FGF7: variants seen among roughly 807,000 people sequenced by gnomAD.
FGF7 encodes the protein fibroblast growth factor 7, also known as FGF-7.
Under a neutral mutation model 20.5 loss-of-function variants are expected in FGF7, and 6 were observed. The observed-to-expected ratio is 0.29, with a 90% confidence interval of 0.16 to 0.58. The LOEUF is 0.58. Among genes scored for constraint, FGF7 ranks in the 20% least tolerant of loss-of-function variants. FGF7 has a pLI of 0.90. For missense variants in FGF7, 144 were observed against 228.8 expected (o/e 0.63, Z 2.39); for synonymous variants, 64 against 74.7 (o/e 0.86, Z 0.74).
chr15:49,478,868 C>T (rs1328982105), intron 2 of FGF7, among the ~76,000 whole-genome samples: 4 of 151,932 alleles, frequency 2.6e-5, no homozygotes, highest in Non-Finnish European at 5.9e-5. Context: ...TTTAAAATCA[C>T]AAAGCTATTG....
chr15:49,467,840 G>C (rs2054402259), intron 2 of FGF7, among the ~76,000 whole-genome samples: 1 of 152,112 alleles, frequency 6.6e-6, no homozygotes, highest in African/African-American at 2.4e-5. Flanking sequence ...GCATTCCTGA[G>C]AGGCCATAAA....
At chr15:49,480,000 A>G (rs1260486791) in intron 2 of FGF7, among the ~76,000 whole-genome samples, 1 of 152,200 alleles carries the variant, frequency 6.6e-6, no homozygotes, top group Non-Finnish European at 1.5e-5. Flanking sequence ...TGATAATGTT[A>G]ATTTCTTTAT....
intron 2 of FGF7, among the ~76,000 whole-genome samples, chr15:49,480,194 A>G (rs1233775477): frequency 1.3e-5 from 2 of 152,258 alleles, no homozygotes; most frequent in Admixed American, 1.3e-4. Flanking sequence ...AATTAAGAAT[A>G]TAAGTCTATT....
intron 2 of FGF7, among the ~76,000 whole-genome samples, chr15:49,457,844 G>A (rs190228157): frequency 1.5e-4 from 23 of 151,854 alleles, no homozygotes; most frequent in South Asian, 6.3e-4. Context: ...TTTGGAAAGC[G>A]TTCATAATGA....
Position 49,472,010 on chromosome 15 carries a change from C to A in FGF7, c.287-11141C>A, listed in dbSNP as rs1453936630. ...TTTTTCTTCTAGTTTTATCTCATGA[C>A]TTTAGAAGTGAAAAAAAAAAAAAAG... On this transcript the variant is annotated intron_variant, in intron 2 of 3. Coordinates refer to ENST00000267843, the MANE Select transcript of FGF7 (RefSeq NM_002009.4). 1.9e-4 allele frequency among the ~76,000 whole-genome samples: 12 copies of A among 64,160 alleles called. No individual in the cohort carries two copies. In the Admixed American group the frequency reaches 2.6e-3, roughly 14 times the overall value. The allele number at this position is 64,160 out of a possible 152,430, so 42.1% of individuals were successfully genotyped here. A position where few individuals can be genotyped will look rare whatever the true frequency, so the allele number is the denominator to read the frequency against.
At chr15:49,479,034 TAAAC>T (rs1036081009) in intron 2 of FGF7, among the ~76,000 whole-genome samples, 58 of 152,244 alleles carry the variant, frequency 3.8e-4, no homozygotes, top group African/African-American at 1.3e-3. Flanking sequence ...GTTTAAATAA[TAAAC>T]AGACAAAAAG....
chr15:49,467,764 G>C (rs1301071112), intron 2 of FGF7, among the ~76,000 whole-genome samples: 1 of 152,122 alleles, frequency 6.6e-6, no homozygotes, highest in Non-Finnish European at 1.5e-5. Context: ...TAAACAAAGA[G>C]TATTTCCTCC....
chr15:49,459,425 C>A (rs1263092326), intron 2 of FGF7, among the ~76,000 whole-genome samples: 1 of 152,080 alleles, frequency 6.6e-6, no homozygotes, highest in South Asian at 2.1e-4. Context: ...ATGTGTTGTA[C>A]ATTTTTGCAG....
At chr15:49,423,791 C>G (rs1175998411) in intron 1 of FGF7, among the ~76,000 whole-genome samples, 4 of 152,008 alleles carry the variant, frequency 2.6e-5, no homozygotes, top group Admixed American at 1.3e-4. Context: ...CACAAAATAG[C>G]AATTGGAATG....
At chr15:49,433,171 G>T (rs1024293050) in intron 2 of FGF7, among the ~76,000 whole-genome samples, 2 of 151,392 alleles carry the variant, frequency 1.3e-5, no homozygotes, top group Non-Finnish European at 3.0e-5. Context: ...AATTATTTGA[G>T]ATTTTCAATA....
intron 2 of FGF7, among the ~76,000 whole-genome samples, chr15:49,475,269 T>C (rs1261654223): frequency 6.6e-6 from 1 of 152,152 alleles, no homozygotes; most frequent in Non-Finnish European, 1.5e-5. Flanking sequence ...AGTTTATTCA[T>C]GAGTTTGAAG....
rs112825172 is a variant in FGF7 at position 49,424,044 on chromosome 15, A to C, written c.-254A>C. The stretch of plus-strand genomic sequence containing the variant: ...TCATTGCAAACAGAAGTCAAATAGC[A>C]AACAGCGTCACAGCAACTGAACTTA... On this transcript the variant is annotated 5_prime_UTR_variant, in exon 2 of 4. Coordinates refer to ENST00000267843, the MANE Select transcript of FGF7 (RefSeq NM_002009.4). 8,817 of 369,250 alleles carry C rather than the reference A, an allele frequency of 0.024. 277 individuals are homozygous for C. Among genetic ancestry groups the C allele is most frequent in the South Asian group, 0.15 (1,889 of 13,020 alleles). The allele number at this position is 369,250 out of a possible 1,614,324, so 22.9% of individuals were successfully genotyped here.
chr15:49,425,921 TG>T (rs1470319567), intron 2 of FGF7, among the ~76,000 whole-genome samples: 4 of 151,722 alleles, frequency 2.6e-5, no homozygotes, highest in Non-Finnish European at 4.4e-5. Context: ...AAAATTTTTT[TG>T]ATATCTACTT....
chr15:49,443,076 A>T (rs148871079), intron 2 of FGF7, among the ~76,000 whole-genome samples: 23 of 151,876 alleles, frequency 1.5e-4, no homozygotes, highest in African/African-American at 3.6e-4. Flanking sequence ...ATATGGGATT[A>T]GTTATAAGTA....
chr15:49,430,248 C>A (rs990394428), intron 2 of FGF7, among the ~76,000 whole-genome samples: 1 of 151,912 alleles, frequency 6.6e-6, no homozygotes, highest in African/African-American at 2.4e-5. Context: ...ACCACAGCCT[C>A]ACAATGACAG....
rs745520773 is a variant in FGF7, at chr15:49,477,060, G to GAA, written c.287-6077_287-6076dup. Among the ~76,000 whole-genome samples, 256 of 130,598 alleles carry GAA rather than the reference G, an allele frequency of 2.0e-3. 2 individuals carry two copies. Among genetic ancestry groups the GAA allele is most frequent in the African/African-American group, 5.6e-3 (201 of 35,594 alleles). 85.7% of individuals were successfully genotyped at this position (130,598 alleles called of 152,430 possible). On this transcript the variant is annotated intron_variant, in intron 2 of 3. Transcript: ENST00000267843. Reference sequence around the variant, plus strand: ...GGGCGACAAAGCGAGACTCTGTCTCGAAAAAAAAAAAAAAATTGAGCAGAT... The same window carrying GAA: ...GGGCGACAAAGCGAGACTCTGTCTCGAAAAAAAAAAAAAAAAATTGAGCAGAT...
intron 2 of FGF7, among the ~76,000 whole-genome samples, chr15:49,442,553 TC>T (rs1190916035): frequency 2.0e-5 from 3 of 151,734 alleles, no homozygotes; most frequent in African/African-American, 7.3e-5. Flanking sequence ...CTTTTCCAAT[TC>T]CCTTGTCACT....
intron 1 of FGF7, 90 bp downstream of exon 1, chr15:49,423,530 T>G (rs2151745361): frequency 6.6e-6 from 1 of 152,240 alleles, no homozygotes; most frequent in East Asian, 1.9e-4. Context: ...AGCAGGAAAG[T>G]AAAGTTACAA....
intron 2 of FGF7, among the ~76,000 whole-genome samples, chr15:49,462,397 T>C (rs1291580710): frequency 1.3e-5 from 2 of 152,176 alleles, no homozygotes; most frequent in African/African-American, 4.8e-5. Context: ...TCACAATGCT[T>C]TTTCCCCTTG....
Sources: allele counts gnomAD v4.1 joint callset (sites outside exome capture counted in the v4.1 genomes callset), GRCh38; gene constraint gnomAD v4.1.1; transcripts MANE v1.5; gene names NCBI Gene and HGNC (gene_info 2026-07-23, HGNC 2026-07-21).